The following SLC4A4 variants were observed in gnomAD, a reference collection of about 807,000 sequenced individuals.
SLC4A4 encodes the protein solute carrier family 4 member 4.
A neutral mutation model predicts 111.5 loss-of-function variants in SLC4A4; 27 were observed. That is an observed-to-expected ratio of 0.24 (90% CI 0.18 to 0.33). The LOEUF is 0.33. Among genes scored for constraint, SLC4A4 ranks in the 10% least tolerant of loss-of-function variants. SLC4A4 has a pLI of 1.00. For missense variants in SLC4A4, 909 were observed against 1,315.5 expected, an observed-to-expected ratio of 0.69 and a Z score of 4.78; for synonymous variants, 443 against 463.4, an observed-to-expected ratio of 0.96 and a Z score of 0.57.
At position 71,569,564 on chromosome 4, in the gene SLC4A4, C is replaced by G. The variant is rs2149263842; in HGVS notation, c.*1813C>G. The G allele has an allele frequency of 6.6e-6, 1 of 151,420 alleles. No individual in the cohort carries two copies. Among genetic ancestry groups the G allele is most frequent in the South Asian group, 2.1e-4 (1 of 4,810 alleles). 9.4% of individuals were successfully genotyped at this position (151,420 alleles called of 1,614,324 possible). Reference sequence around the variant, plus strand: ...ATACATTACATATTGTGAATGTATACTAAAAAAACATTTTAAATGTTAAAA... The same window carrying G: ...ATACATTACATATTGTGAATGTATAGTAAAAAAACATTTTAAATGTTAAAA... On this transcript the variant is annotated 3_prime_UTR_variant, in exon 26 of 26. Coordinates refer to ENST00000264485, the MANE Select transcript of SLC4A4 (RefSeq NM_001098484.3).
rs60248278 is a variant in SLC4A4, at chr4:71,512,692, T to A, written c.2166+15000T>A. 9.0e-3 allele frequency among the ~76,000 whole-genome samples: 1,373 copies of A among 152,244 alleles called. 21 individuals carry two copies. The highest frequency in any genetic ancestry group is 0.03 in the African/African-American group (1,257 of 41,540). On this transcript the variant is annotated intron_variant, in intron 16 of 25. Transcript: ENST00000264485. ...GTTGCCAATGAATTTCAGATCTTAA[T>A]CATAAATTATTTGTCTACACCAATG...
intron 4 of SLC4A4, among the ~76,000 whole-genome samples, chr4:71,341,870 A>T (rs1020420005): frequency 4.5e-4 from 68 of 152,278 alleles, no homozygotes; most frequent in African/African-American, 1.6e-3. Context: ...TTTAGAACTG[A>T]TGGAGAATTT....
At chr4:71,476,739 G>GGTAA (rs532597258) in intron 14 of SLC4A4, among the ~76,000 whole-genome samples, 25 of 151,400 alleles carry the variant, frequency 1.7e-4, no homozygotes, top group African/African-American at 5.8e-4. Flanking sequence ...ACTACTGCTT[G>GGTAA]GTAACCCAAG....
At chr4:71,105,273 G>T (rs1294417526) in intron 2 of SLC4A4, among the ~76,000 whole-genome samples, 1 of 150,144 alleles carries the variant, frequency 6.7e-6, no homozygotes, top group Non-Finnish European at 1.5e-5. Context: ...AATAAAAGAG[G>T]ATACAAACAA....
At chr4:71,421,176 G>A (rs1449727375) in intron 7 of SLC4A4, among the ~76,000 whole-genome samples, 2 of 151,554 alleles carry the variant, frequency 1.3e-5, no homozygotes, top group Admixed American at 6.6e-5. Context: ...AAAAGGTAGG[G>A]GTTTCAATCC....
rs115255506 is a variant in SLC4A4, at chr4:71,336,921, A to T, written c.254-2449A>T. 2.8e-3 allele frequency among the ~76,000 whole-genome samples: 424 copies of T among 152,312 alleles called. 3 individuals are homozygous for T. Among genetic ancestry groups the T allele is most frequent in the African/African-American group, 9.9e-3 (410 of 41,566 alleles). On this transcript the variant is annotated intron_variant, in intron 3 of 25. Coordinates refer to ENST00000264485, the MANE Select transcript of SLC4A4 (RefSeq NM_001098484.3). ...CAATAGTATTAATTTTTGTTTGTGTACATTGCCTTCATTCTTGTTGTCCAG... is the reference window on the plus strand; with the variant it reads ...CAATAGTATTAATTTTTGTTTGTGTTCATTGCCTTCATTCTTGTTGTCCAG...
chr4:71,089,454 T>G (rs1742308951), intron 1 of SLC4A4, among the ~76,000 whole-genome samples: 1 of 152,212 alleles, frequency 6.6e-6, no homozygotes, highest in Non-Finnish European at 1.5e-5. Context: ...CTGTGTTCCT[T>G]TGGAGGAGGA....
intron 6 of SLC4A4, among the ~76,000 whole-genome samples, chr4:71,358,637 T>G (rs1157394362): frequency 6.6e-6 from 1 of 152,176 alleles, no homozygotes; most frequent in Non-Finnish European, 1.5e-5. Flanking sequence ...CTACTACAGT[T>G]TGATGGTTCT....
chr4:71,341,596 T>A (rs1453556755), intron 4 of SLC4A4, among the ~76,000 whole-genome samples: 1 of 152,204 alleles, frequency 6.6e-6, no homozygotes, highest in Non-Finnish European at 1.5e-5. Context: ...TAAAATTTCT[T>A]ACATCATACC....
intron 1 of SLC4A4, among the ~76,000 whole-genome samples, chr4:71,191,278 G>A (rs780272107): frequency 6.0e-4 from 92 of 152,326 alleles, no homozygotes; most frequent in Middle Eastern, 6.8e-3. Flanking sequence ...GATAGTGGTA[G>A]AAACAGTAAT....
At position 71,532,147 on chromosome 4, in the gene SLC4A4, C is replaced by T. The variant is rs1383523784; in HGVS notation, c.2252C>T (p.Pro751Leu). 6.2e-7 allele frequency: 1 copy of T among 1,610,708 alleles called. No individual in the cohort carries two copies. The highest frequency in any genetic ancestry group is 1.7e-5 in the Admixed American group (1 of 59,922). Residue 751 changes from proline (P) to leucine (L), a missense_variant, in exon 17 of 26, where the codon CCA becomes CTA. Coordinates refer to ENST00000264485, the MANE Select transcript of SLC4A4 (RefSeq NM_001098484.3). Reference protein sequence around the residue: ...VIDALVGVDTPKLIVPSEFKP... With the variant: ...VIDALVGVDTLKLIVPSEFKP... ...GATGCCCTAGTAGGCGTGGACACCCCAAAACTAATTGTGCCAAGTGAGTTC... is the reference window on the plus strand; with the variant it reads ...GATGCCCTAGTAGGCGTGGACACCCTAAAACTAATTGTGCCAAGTGAGTTC...
At chr4:71,458,182 A>T (rs931361705) in intron 12 of SLC4A4, among the ~76,000 whole-genome samples, 5 of 152,090 alleles carry the variant, frequency 3.3e-5, no homozygotes, top group African/African-American at 1.2e-4. Context: ...AATATATTTC[A>T]GTAGAATTTA....
intron 2 of SLC4A4, among the ~76,000 whole-genome samples, chr4:71,177,241 C>A (rs1028281138): frequency 2.7e-4 from 41 of 152,158 alleles, no homozygotes; most frequent in Non-Finnish European, 1.0e-4. Flanking sequence ...ATTGTAAAGA[C>A]CATTGAGGCT....
intron 3 of SLC4A4, among the ~76,000 whole-genome samples, chr4:71,261,527 C>G (rs939626177): frequency 6.6e-6 from 1 of 152,178 alleles, no homozygotes; most frequent in Non-Finnish European, 1.5e-5. Context: ...TGGGTTGGCT[C>G]AACAATGTTG....
chr4:71,193,132 A>T (rs1021912836), intron 1 of SLC4A4, among the ~76,000 whole-genome samples: 2 of 152,148 alleles, frequency 1.3e-5, no homozygotes, highest in African/African-American at 4.8e-5. Flanking sequence ...GTTTTTGGCC[A>T]TTATGAATAG....
In SLC4A4 at chr4:71,063,907, C is replaced by T. The variant is rs115419903; in HGVS notation, c.-65+1119C>T. Among the ~76,000 whole-genome samples, 662 of 152,136 alleles carry T rather than the reference C, an allele frequency of 4.4e-3. 4 individuals carry two copies. Among genetic ancestry groups the T allele is most frequent in the African/African-American group, 0.015 (628 of 41,498 alleles). On this transcript the variant is annotated intron_variant, in intron 1 of 26. Transcript: ENST00000649996. ...AAAAATAATTTTTTTACAGGTCTAA[C>T]CTGCTTATAAAGAAAGGTCAGGGAG... is the stretch of plus-strand genomic sequence containing the variant.
At position 71,309,400 on chromosome 4, in the gene SLC4A4, C is replaced by A. The variant is rs6826116; in HGVS notation, c.254-29970C>A. ...TGCTAAGGGACAGACTGCCTCCTCA[C>A]GTGGGTCCCTGACCTGCATGCCTCC... On this transcript the variant is annotated intron_variant, in intron 3 of 25. Transcript: ENST00000264485. 1.9e-4 allele frequency among the ~76,000 whole-genome samples: 29 copies of A among 152,156 alleles called. 1 individual carries two copies. The highest frequency in any genetic ancestry group is 1.9e-3 in the Admixed American group (29 of 15,284).
intron 3 of SLC4A4, among the ~76,000 whole-genome samples, chr4:71,306,122 G>C (rs1725664110): frequency 1.3e-5 from 2 of 152,114 alleles, no homozygotes; most frequent in African/African-American, 4.8e-5. Context: ...GCTCCACAGG[G>C]ACTCAGTTCA....
At chr4:71,287,088 T>A (rs990178329) in intron 3 of SLC4A4, among the ~76,000 whole-genome samples, 4 of 152,148 alleles carry the variant, frequency 2.6e-5, no homozygotes, top group African/African-American at 9.7e-5. Context: ...CTGATTATAG[T>A]CTTCTAATTA....
Sources: gnomAD v4.1 joint callset for allele counts (sites outside exome capture counted in the v4.1 genomes callset) on GRCh38, gnomAD v4.1.1 for gene constraint, MANE v1.5 for transcripts, NCBI Gene and HGNC (gene_info 2026-07-23, HGNC 2026-07-21) for gene names.